DENND1A: variants seen among roughly 807,000 people sequenced by gnomAD.
DENND1A encodes DENN domain-containing protein 1A.
In DENND1A, 51 loss-of-function variants were observed where a neutral mutation model predicts 113.7. The ratio of observed to expected loss-of-function variants is 0.45; its 90% CI spans 0.36 to 0.57. The LOEUF is 0.57. DENND1A is among the 20% of genes least tolerant of loss of function. The pLI is 0.00. For missense variants in DENND1A, 1,258 were observed against 1,395.9 expected, an observed-to-expected ratio of 0.90 and a Z score of 1.57; for synonymous variants, 565 against 570.8, an observed-to-expected ratio of 0.99 and a Z score of 0.14.
rs181215394 is a variant in DENND1A at position 123,607,064 on chromosome 9, T to C, written c.765+2372A>G. On this transcript the variant is annotated intron_variant, in intron 11 of 23. Transcript: ENST00000394215. ...GAGACTGTGCAGAACCCAGGGACTG[T>C]GTAGGGGAGGCTGGAAGGCTCCTCC... Among the ~76,000 whole-genome samples the C allele has an allele frequency of 2.6e-3, 401 of 152,194 alleles. 1 individual carries two copies. Among genetic ancestry groups the C allele is most frequent in the Non-Finnish European group, 4.6e-3 (316 of 67,990 alleles).
At chr9:123,516,570 C>T (rs1033106238) in intron 13 of DENND1A, among the ~76,000 whole-genome samples, 1 of 151,978 alleles carries the variant, frequency 6.6e-6, no homozygotes, top group African/African-American at 2.4e-5. Context: ...TCAAGAGTGG[C>T]CATCTATGGA....
chr9:123,383,986 G>C (rs908119500), intron 22 of DENND1A, 73 bp from the exon 23 acceptor site: 20 of 1,551,018 alleles, frequency 1.3e-5, no homozygotes, highest in Admixed American at 1.2e-4. Flanking sequence ...TCCAGCCCAA[G>C]CACATTGAGG....
At chr9:123,664,872 A>T (rs1328237548) in intron 8 of DENND1A, among the ~76,000 whole-genome samples, 1 of 152,192 alleles carries the variant, frequency 6.6e-6, no homozygotes, top group African/African-American at 2.4e-5. Flanking sequence ...ATTTTAAAAT[A>T]ATCCTTCAGT....
At chr9:123,638,902 T>C (rs1229816368) in intron 9 of DENND1A, among the ~76,000 whole-genome samples, 1 of 151,872 alleles carries the variant, frequency 6.6e-6, no homozygotes, top group African/African-American at 2.4e-5. Flanking sequence ...ATCTATACTA[T>C]TGCTTTAATA....
chr9:123,478,263 T>G (rs1330918968), intron 13 of DENND1A, among the ~76,000 whole-genome samples: 5 of 152,250 alleles, frequency 3.3e-5, no homozygotes, highest in African/African-American at 1.2e-4. Context: ...AGTCACATTA[T>G]TAAGTCTTCA....
chr9:123,752,669 A>G (rs1357127426), intron 5 of DENND1A, among the ~76,000 whole-genome samples: 1 of 152,236 alleles, frequency 6.6e-6, no homozygotes, highest in Non-Finnish European at 1.5e-5. Flanking sequence ...CTTTCATTAC[A>G]GTTTTGGCCT....
chr9:123,402,971 G>A (rs2043615829), intron 21 of DENND1A, among the ~76,000 whole-genome samples: 1 of 152,178 alleles, frequency 6.6e-6, no homozygotes, highest in East Asian at 1.9e-4. Context: ...AAGGGTCCTG[G>A]TGGGTCTGGG....
At chr9:123,485,674 A>G (rs1389519831) in intron 13 of DENND1A, 4 of 140,844 alleles carry the variant, frequency 2.8e-5, no homozygotes, top group South Asian at 2.3e-4. Context: ...ACACACACAC[A>G]CACACACACA....
chr9:123,413,705 T>C, intron 19 of DENND1A: 2 of 985,522 alleles, frequency 2.0e-6, no homozygotes, highest in Non-Finnish European at 1.2e-6. Flanking sequence ...GGCTGACCCA[T>C]GCTTGGTGAC....
intron 13 of DENND1A, among the ~76,000 whole-genome samples, chr9:123,485,074 C>T (rs921512234): frequency 2.0e-5 from 3 of 152,220 alleles, no homozygotes; most frequent in African/African-American, 7.2e-5. Flanking sequence ...CTAGACTGTG[C>T]ACTCCCTCAG....
intron 5 of DENND1A, among the ~76,000 whole-genome samples, chr9:123,694,113 C>T (rs1037568398): frequency 2.0e-5 from 3 of 152,086 alleles, no homozygotes; most frequent in East Asian, 1.9e-4. Context: ...CAATTACAGG[C>T]GTGAGCCACT....
At chr9:123,472,757 G>A (rs117805220) in intron 13 of DENND1A, among the ~76,000 whole-genome samples, 154 of 151,592 alleles carry the variant, frequency 1.0e-3, no homozygotes, top group Admixed American at 6.5e-3. Context: ...TGCCCACCCC[G>A]CCCACCGCGG....
chr9:123,464,196 C>T lies in DENND1A; in HGVS notation c.994-6299G>A, dbSNP rs144219696. ...GCTCTGTGTTAGGGGAATGCAAACA[C>T]GAATAAAATAGAGTTGGTACAAACA... is the stretch of plus-strand genomic sequence containing the variant. On this transcript the variant is annotated intron_variant, in intron 13 of 23. Transcript: ENST00000394215. Among the ~76,000 whole-genome samples the T allele has an allele frequency of 4.7e-3, 716 of 152,114 alleles. 9 individuals carry two copies. Among genetic ancestry groups the T allele is most frequent in the African/African-American group, 0.016 (645 of 41,488 alleles).
At chr9:123,578,482 C>T (rs865804660) in intron 12 of DENND1A, among the ~76,000 whole-genome samples, 2 of 152,226 alleles carry the variant, frequency 1.3e-5, no homozygotes, top group Admixed American at 1.3e-4. Context: ...TGGCCTCAAG[C>T]AATTCTTCTG....
At chr9:123,867,675 A>G (rs1845974131) in intron 2 of DENND1A, among the ~76,000 whole-genome samples, 2 of 151,998 alleles carry the variant, frequency 1.3e-5, no homozygotes, top group South Asian at 4.2e-4. Flanking sequence ...ACCCTGCCCC[A>G]TTCTCAGGCT....
In DENND1A at chr9:123,543,754, C is replaced by T. The variant is rs191888633; in HGVS notation, c.993+13816G>A. ...CATCCGTCCCTGGGAAGCTTCCCCG[C>T]AGCACCCAATCTGCAGTGATTAGCC... On this transcript the variant is annotated intron_variant, in intron 13 of 23. Coordinates refer to ENST00000394215, the MANE Select transcript of DENND1A (RefSeq NM_001352964.2). Among the ~76,000 whole-genome samples, 11 of 152,338 alleles carry T rather than the reference C, an allele frequency of 7.2e-5. No individual in the cohort carries two copies. In the East Asian group the frequency reaches 1.4e-3, roughly 19 times the overall value.
intron 13 of DENND1A, among the ~76,000 whole-genome samples, chr9:123,525,757 C>CGT (rs2054782601): frequency 1.2e-5 from 1 of 82,154 alleles, no homozygotes; most frequent in Non-Finnish European, 2.8e-5. Flanking sequence ...GTGCAGTCTA[C>CGT]CTTTTTTTTT....
chr9:123,493,585 C>T (rs948303364), intron 13 of DENND1A, among the ~76,000 whole-genome samples: 2 of 152,188 alleles, frequency 1.3e-5, no homozygotes, highest in Non-Finnish European at 2.9e-5. Flanking sequence ...CACAGAGTGT[C>T]CGTTACAGGG....
At chr9:123,808,666 C>T (rs1188234677) in intron 2 of DENND1A, among the ~76,000 whole-genome samples, 2 of 152,094 alleles carry the variant, frequency 1.3e-5, no homozygotes, top group African/African-American at 2.4e-5. Context: ...GTGATGTTGA[C>T]GCCCCTGGTC....
Sources: gnomAD v4.1 joint callset for allele counts (sites outside exome capture counted in the v4.1 genomes callset) on GRCh38, gnomAD v4.1.1 for gene constraint, MANE v1.5 for transcripts, NCBI Gene and HGNC (gene_info 2026-07-23, HGNC 2026-07-21) for gene names.